The following KCNMB2 variants were observed in gnomAD, a reference collection of about 807,000 sequenced individuals.
KCNMB2 encodes calcium-activated potassium channel subunit beta-2.
A neutral mutation model predicts 24.5 loss-of-function variants in KCNMB2; 9 were observed. The ratio of observed to expected loss-of-function variants is 0.37; its 90% CI spans 0.22 to 0.64. The LOEUF is 0.64. Among genes scored for constraint, KCNMB2 ranks in the 30% least tolerant of loss-of-function variants. The pLI is 0.63. For missense variants in KCNMB2, 226 were observed against 284.3 expected (o/e 0.79, Z 1.47); for synonymous variants, 109 against 104.4 (o/e 1.04, Z -0.27).
At chr3:178,840,485 T>G (rs1347417458) in intron 4 of KCNMB2, among the ~76,000 whole-genome samples, 2 of 152,230 alleles carry the variant, frequency 1.3e-5, no homozygotes, top group Admixed American at 1.3e-4. Context: ...CCCTTCTGCA[T>G]TGCCCTAGCA....
intron 4 of KCNMB2, among the ~76,000 whole-genome samples, chr3:178,835,206 TG>T (rs1186377943): frequency 6.6e-6 from 1 of 151,906 alleles, no homozygotes; most frequent in African/African-American, 2.4e-5. Context: ...CTCTCTGTAG[TG>T]GGACCTTTGT....
rs538797437 is a variant in KCNMB2 at position 178,762,550 on chromosome 3, T to A, written c.-67-44793T>A. ...CCTGATAAAATGTCCTATTTTAAAA[T>A]GCCTCTCCATCTGCTGCAGGGTGTA... On this transcript the variant is annotated intron_variant, in intron 1 of 4. Transcript: ENST00000452583. Among the ~76,000 whole-genome samples, 7 of 152,228 alleles carry A rather than the reference T, an allele frequency of 4.6e-5. No individual in the cohort carries two copies. In the South Asian group the frequency reaches 1.5e-3, roughly 32 times the overall value.
intron 1 of KCNMB2, among the ~76,000 whole-genome samples, chr3:178,657,472 C>T (rs2108567258): frequency 6.6e-6 from 1 of 152,256 alleles, no homozygotes; most frequent in African/African-American, 2.4e-5. Context: ...TGGGTTTTCA[C>T]CTGTAAAATA....
chr3:178,787,629 T>A (rs1240680396), intron 1 of KCNMB2, among the ~76,000 whole-genome samples: 1 of 152,098 alleles, frequency 6.6e-6, no homozygotes, highest in African/African-American at 2.4e-5. Context: ...CTTGTCTTTT[T>A]CTCATCCTGC....
chr3:178,735,383 C>T (rs1723283478), intron 1 of KCNMB2, among the ~76,000 whole-genome samples: 1 of 152,234 alleles, frequency 6.6e-6, no homozygotes, highest in East Asian at 1.9e-4. Flanking sequence ...AACCCAAAGC[C>T]TGCAAATCGG....
At chr3:178,826,574 T>C (rs1437714585) in intron 3 of KCNMB2, among the ~76,000 whole-genome samples, 2 of 152,158 alleles carry the variant, frequency 1.3e-5, no homozygotes, top group African/African-American at 4.8e-5. Context: ...TGTCCATAAA[T>C]TGGACACTCT....
chr3:178,702,480 A>G (rs1272800642), intron 1 of KCNMB2, among the ~76,000 whole-genome samples: 1 of 151,600 alleles, frequency 6.6e-6, no homozygotes, highest in Non-Finnish European at 1.5e-5. Flanking sequence ...AAATAAATAA[A>G]TAAAGCTAAT....
chr3:178,556,872 T>C (rs1276256899), intron 1 of KCNMB2, among the ~76,000 whole-genome samples: 1 of 152,132 alleles, frequency 6.6e-6, no homozygotes, highest in Non-Finnish European at 1.5e-5. Flanking sequence ...GTGTATGCCA[T>C]GAGGTGACTG....
chr3:178,752,155 G>A (rs1723873037), intron 1 of KCNMB2, among the ~76,000 whole-genome samples: 1 of 152,034 alleles, frequency 6.6e-6, no homozygotes, highest in African/African-American at 2.4e-5. Flanking sequence ...TAAAGTTCGA[G>A]GAGCTTCCAA....
chr3:178,837,474 C>A (rs1228018675), intron 4 of KCNMB2, among the ~76,000 whole-genome samples: 1 of 152,072 alleles, frequency 6.6e-6, no homozygotes, highest in African/African-American at 2.4e-5. Context: ...TTCATGATCA[C>A]CAAAGGACTT....
chr3:178,722,852 C>T (rs1722853188), intron 1 of KCNMB2, among the ~76,000 whole-genome samples: 1 of 152,206 alleles, frequency 6.6e-6, no homozygotes, highest in South Asian at 2.1e-4. Context: ...GAGATTGCAC[C>T]ACTGCATTCC....
chr3:178,757,777 GAT>G (rs200026702), intron 1 of KCNMB2, among the ~76,000 whole-genome samples: 1 of 106,110 alleles, frequency 9.4e-6, no homozygotes, highest in Non-Finnish European at 1.9e-5. Flanking sequence ...TATCCAAGAG[GAT>G]ATATATACAT....
At chr3:178,718,400 G>A (rs1291005250) in intron 1 of KCNMB2, among the ~76,000 whole-genome samples, 2 of 152,132 alleles carry the variant, frequency 1.3e-5, no homozygotes, top group Non-Finnish European at 2.9e-5. Context: ...CATGTGTCTA[G>A]CTAGCTAGCT....
At chr3:178,674,276 A>G (rs1720999394) in intron 1 of KCNMB2, among the ~76,000 whole-genome samples, 1 of 151,602 alleles carries the variant, frequency 6.6e-6, no homozygotes, top group African/African-American at 2.4e-5. Flanking sequence ...AACTTTTTAT[A>G]TTTCTACTCT....
chr3:178,563,975 G>A (rs1181118752), intron 1 of KCNMB2, among the ~76,000 whole-genome samples: 2 of 152,148 alleles, frequency 1.3e-5, no homozygotes, highest in Non-Finnish European at 2.9e-5. Context: ...CATCTGCAAA[G>A]TATTTTTAAA....
rs147724985 is a variant in KCNMB2, at chr3:178,680,892, G to A, written c.-67-126451G>A. 3.4e-3 allele frequency among the ~76,000 whole-genome samples: 515 copies of A among 152,272 alleles called. 4 individuals are homozygous for A. Among genetic ancestry groups the A allele is most frequent in the African/African-American group, 0.012 (484 of 41,536 alleles). Reference sequence around the variant, plus strand: ...CCTAAACAGATGCCCCTGAAGATAAGTGCCTGAAGGACTGTCATTGAAAGC... The same window carrying A: ...CCTAAACAGATGCCCCTGAAGATAAATGCCTGAAGGACTGTCATTGAAAGC... On this transcript the variant is annotated intron_variant, in intron 1 of 4. Transcript: ENST00000452583.
At chr3:178,758,514 C>A (rs1252377438) in intron 1 of KCNMB2, among the ~76,000 whole-genome samples, 2 of 31,796 alleles carry the variant, frequency 6.3e-5, no homozygotes, top group Non-Finnish European at 1.2e-4. Context: ...ATATATATCT[C>A]CAAGAGGAGA....
intron 1 of KCNMB2, among the ~76,000 whole-genome samples, chr3:178,691,117 T>TTTTTTTTTTTTTTTTTTTTTTC: frequency 7.2e-6 from 1 of 139,116 alleles, no homozygotes; most frequent in Non-Finnish European, 1.5e-5. Flanking sequence ...CTTTTTTTTT[T>TTTTTTTTTTTTTTTTTTTTTTC]TTTTTTTTTT....
At chr3:178,579,615 G>C (rs1008609717) in intron 1 of KCNMB2, among the ~76,000 whole-genome samples, 6 of 152,030 alleles carry the variant, frequency 3.9e-5, no homozygotes, top group African/African-American at 1.2e-4. Flanking sequence ...AAAATAGATA[G>C]ACCACTCTCC....
Sources: allele counts gnomAD v4.1 joint callset (sites outside exome capture counted in the v4.1 genomes callset), GRCh38; gene constraint gnomAD v4.1.1; transcripts MANE v1.5; gene names NCBI Gene and HGNC (gene_info 2026-07-23, HGNC 2026-07-21).